APAF1: variants seen among roughly 807,000 people sequenced by gnomAD.
APAF1 encodes apoptotic protease-activating factor 1.
A neutral mutation model predicts 152.4 loss-of-function variants in APAF1; 91 were observed. That is an observed-to-expected ratio of 0.60 (90% confidence interval 0.50 to 0.71). APAF1 has a LOEUF of 0.71. Among genes scored for constraint, APAF1 ranks in the 30% least tolerant of loss-of-function variants. The pLI, the probability that APAF1 is intolerant of heterozygous loss-of-function variation, is 0.00. For synonymous variants in APAF1, 484 were observed against 494.1 expected, an observed-to-expected ratio of 0.98 and a Z score of 0.27; for missense variants, 1,283 against 1,472.0, an observed-to-expected ratio of 0.87 and a Z score of 2.10.
At chr12:98,671,477 G>A in intron 11 of APAF1, 58 bp from the exon 12 acceptor site, 1 of 1,540,684 alleles carries the variant, frequency 6.5e-7, no homozygotes, top group Admixed American at 1.7e-5. Flanking sequence ...CACAGAAATG[G>A]AAAAATGTCA....
chr12:98,714,084 C>T (rs2153339749), intron 21 of APAF1, among the ~76,000 whole-genome samples: 1 of 152,340 alleles, frequency 6.6e-6, no homozygotes, highest in Middle Eastern at 3.4e-3. Flanking sequence ...AGGCTTCCAT[C>T]TCAGGCTCAT....
At chr12:98,660,326 GC>G (rs942286269) in intron 5 of APAF1, among the ~76,000 whole-genome samples, 12 of 151,930 alleles carry the variant, frequency 7.9e-5, no homozygotes, top group Middle Eastern at 3.4e-3. Flanking sequence ...AGCTTGGGTG[GC>G]AGAGGAAGAC....
At chr12:98,660,159 A>G (rs1001974290) in intron 5 of APAF1, among the ~76,000 whole-genome samples, 4 of 152,184 alleles carry the variant, frequency 2.6e-5, no homozygotes, top group African/African-American at 9.7e-5. Flanking sequence ...CAGCATGGGC[A>G]ACATGATGAA....
At chr12:98,667,836 A>G (rs561493973) in intron 10 of APAF1, among the ~76,000 whole-genome samples, 192 bp downstream of exon 10, 2 of 144,524 alleles carry the variant, frequency 1.4e-5, no homozygotes, top group South Asian at 2.2e-4. Flanking sequence ...CAGTGGCACA[A>G]TCTCAGCTCA....
At chr12:98,659,815 CTCTT>C (rs1242766106) in intron 5 of APAF1, among the ~76,000 whole-genome samples, 2 of 149,604 alleles carry the variant, frequency 1.3e-5, no homozygotes, top group Non-Finnish European at 3.0e-5. Flanking sequence ...CTGCTTTTCT[CTCTT>C]GTATTTAAAA....
At chr12:98,651,763 G>A (rs900262086) in intron 4 of APAF1, among the ~76,000 whole-genome samples, 6 of 152,086 alleles carry the variant, frequency 3.9e-5, no homozygotes, top group Admixed American at 3.9e-4. Flanking sequence ...AGGCTCAAGT[G>A]ATCCTCCCAC....
rs144643655 is a variant in APAF1, at chr12:98,665,569, A to G, written c.972A>G (p.Val324=). The G allele has an allele frequency of 6.8e-6, 11 of 1,612,436 alleles. No individual in the cohort carries two copies. In the Admixed American group the frequency reaches 1.2e-4, roughly 17 times the overall value. ...IKECKGSPLV[V]SLIGALLRDF... is the part of the protein sequence containing the mutation. ...TTTTTAAAGGCTCTCCCCTTGTAGTATCTTTAATTGGTGCACTTTTACGTG... is the reference window on the plus strand; with the variant it reads ...TTTTTAAAGGCTCTCCCCTTGTAGTGTCTTTAATTGGTGCACTTTTACGTG... The change falls in exon 8 of 27, where the codon GTA becomes GTG. Residue 324 remains valine, a synonymous_variant. Coordinates refer to ENST00000551964, the MANE Select transcript of APAF1 (RefSeq NM_181861.2).
intron 22 of APAF1, among the ~76,000 whole-genome samples, chr12:98,717,159 C>T (rs2097735771): frequency 1.3e-5 from 2 of 151,290 alleles, no homozygotes; most frequent in South Asian, 4.2e-4. Context: ...TGAGCCCCCG[C>T]ACCTGGCCTA....
At chr12:98,667,765 ATTTTTTTTTTTTTTT>A in intron 10 of APAF1, 121 bp downstream of exon 10, 1 of 321,396 alleles carries the variant, frequency 3.1e-6, no homozygotes, top group Non-Finnish European at 5.1e-6. Context: ...TTTCCATTTG[ATTTTTTTTTTTTTTT>A]TTTTTTTTTG....
chr12:98,676,546 T>C (rs566529718), intron 12 of APAF1, among the ~76,000 whole-genome samples: 1 of 152,280 alleles, frequency 6.6e-6, no homozygotes, highest in Non-Finnish European at 1.5e-5. Flanking sequence ...TAATATAATA[T>C]CTATACTGGT....
chr12:98,650,509 T>G (rs1038773146), intron 4 of APAF1, among the ~76,000 whole-genome samples: 4 of 152,092 alleles, frequency 2.6e-5, no homozygotes, highest in African/African-American at 2.4e-5. Context: ...TTTGTTTTTT[T>G]TTTTTTGATA....
At chr12:98,719,136 C>A (rs1414091857) in intron 22 of APAF1, among the ~76,000 whole-genome samples, 1 of 152,202 alleles carries the variant, frequency 6.6e-6, no homozygotes, top group Non-Finnish European at 1.5e-5. Flanking sequence ...TCCTTCCAGA[C>A]TGTACCTCAC....
chr12:98,717,524 C>T (rs2097736326), intron 22 of APAF1, among the ~76,000 whole-genome samples: 1 of 151,868 alleles, frequency 6.6e-6, no homozygotes, highest in Non-Finnish European at 1.5e-5. Context: ...TGCAGGCATG[C>T]ACAACCACAC....
At chr12:98,729,358 C>A (rs1490320196) in intron 26 of APAF1, among the ~76,000 whole-genome samples, 1 of 152,184 alleles carries the variant, frequency 6.6e-6, no homozygotes, top group African/African-American at 2.4e-5. Context: ...TGTTCCACCT[C>A]AGATCATCAG....
At chr12:98,727,964 ATAAAT>A (rs2097753283) in intron 26 of APAF1, among the ~76,000 whole-genome samples, 2 of 141,832 alleles carry the variant, frequency 1.4e-5, no homozygotes, top group Admixed American at 6.9e-5. Flanking sequence ...AAATAAATAA[ATAAAT>A]TAATTAATTA....
rs1491316422 is a variant in APAF1 at position 98,665,278 on chromosome 12, A to ATATATATATATATATATATATATT, written c.956-274_956-273insATATATATATATATATATATATTT. ...CGCATATATATATATATATATATAT[A>ATATATATATATATATATATATATT]TTTTTTTTTTTTTTTGTAATGACAT... On this transcript the variant is annotated intron_variant, in intron 7 of 26. Coordinates refer to ENST00000551964, the MANE Select transcript of APAF1 (RefSeq NM_181861.2). 2.3e-4 allele frequency among the ~76,000 whole-genome samples: 15 copies of ATATATATATATATATATATATATT among 65,966 alleles called. No homozygotes were observed. In the East Asian group the frequency reaches 4.4e-3, roughly 19 times the overall value. The allele number at this position is 65,966 out of a possible 152,430, so 43.3% of individuals were successfully genotyped here. A position where few individuals can be genotyped will look rare whatever the true frequency, so the allele number is the denominator to read the frequency against.
At chr12:98,705,442 T>C (rs541042752) in intron 18 of APAF1, among the ~76,000 whole-genome samples, 2 of 152,214 alleles carry the variant, frequency 1.3e-5, no homozygotes, top group African/African-American at 2.4e-5. Context: ...GCTTGGACTC[T>C]TAGAGATAAG....
At chr12:98,653,652 G>A (rs1330588787) in intron 4 of APAF1, among the ~76,000 whole-genome samples, 1 of 54,938 alleles carries the variant, frequency 1.8e-5, no homozygotes, top group Non-Finnish European at 3.1e-5. Context: ...GTGAGATGCC[G>A]TCTCAAAAAA....
At chr12:98,677,584 G>A (rs1463264741) in intron 13 of APAF1, 33 bp downstream of exon 13, 2 of 1,613,684 alleles carry the variant, frequency 1.2e-6, no homozygotes, top group Non-Finnish European at 1.7e-6. Flanking sequence ...AATGCAAAGA[G>A]GCATGTATCC....
Sources: gnomAD v4.1 joint callset for allele counts (sites outside exome capture counted in the v4.1 genomes callset) on GRCh38, gnomAD v4.1.1 for gene constraint, MANE v1.5 for transcripts, NCBI Gene and HGNC (gene_info 2026-07-23, HGNC 2026-07-21) for gene names.